Variants in PRCP observed in about 807,000 individuals in gnomAD.
The protein encoded by PRCP is lysosomal Pro-X carboxypeptidase.
PRCP carries 46 observed loss-of-function variants against 54.2 expected under a neutral mutation model. The ratio of observed to expected loss-of-function variants is 0.85; its 90% CI spans 0.67 to 1.09. The LOEUF is 1.09. Among genes scored for constraint, PRCP ranks in the 50% least tolerant of loss-of-function variants. The pLI is 0.00. For missense variants in PRCP, 613 were observed against 596.8 expected (o/e 1.03, Z -0.28); for synonymous variants, 240 against 212.2 (o/e 1.13, Z -1.14).
At chr11:82,875,347 G>A (rs192424122) in intron 1 of PRCP, among the ~76,000 whole-genome samples, 22 of 152,294 alleles carry the variant, frequency 1.4e-4, no homozygotes, top group Admixed American at 4.6e-4. Context: ...GACCTCACCC[G>A]AACTTAGACT....
At chr11:82,863,942 C>T (rs1460609908) in intron 1 of PRCP, among the ~76,000 whole-genome samples, 1 of 152,174 alleles carries the variant, frequency 6.6e-6, no homozygotes, top group Non-Finnish European at 1.5e-5. Flanking sequence ...TGTGAAGCCT[C>T]GGGCAAATTA....
chr11:82,859,464 T>C (rs1859159932), intron 2 of PRCP, among the ~76,000 whole-genome samples: 1 of 152,184 alleles, frequency 6.6e-6, no homozygotes, highest in Non-Finnish European at 1.5e-5. Flanking sequence ...ACACTGACAA[T>C]ATAACACTAA....
chr11:82,875,203 C>T (rs1437628188), intron 1 of PRCP, among the ~76,000 whole-genome samples: 3 of 152,216 alleles, frequency 2.0e-5, no homozygotes, highest in African/African-American at 4.8e-5. Context: ...CCATGCCTTA[C>T]TGCCTCTCCC....
chr11:82,873,610 C>T, intron 1 of PRCP, among the ~76,000 whole-genome samples: 1 of 152,330 alleles, frequency 6.6e-6, no homozygotes, highest in African/African-American at 2.4e-5. Flanking sequence ...ACAATCTTCA[C>T]TGGTTACCTC....
At chr11:82,865,811 A>G (rs1162005253) in intron 1 of PRCP, among the ~76,000 whole-genome samples, 1 of 152,166 alleles carries the variant, frequency 6.6e-6, no homozygotes, top group African/African-American at 2.4e-5. Context: ...TCTTAAATGG[A>G]GACTGACAGC....
At chr11:82,857,135 A>G (rs1240112364) in intron 2 of PRCP, among the ~76,000 whole-genome samples, 1 of 152,186 alleles carries the variant, frequency 6.6e-6, no homozygotes, top group African/African-American at 2.4e-5. Flanking sequence ...AGGCATTGAC[A>G]ACATAAAAGA....
chr11:82,856,863 T>C (rs960113959), intron 2 of PRCP, among the ~76,000 whole-genome samples: 2 of 151,802 alleles, frequency 1.3e-5, no homozygotes, highest in Non-Finnish European at 1.5e-5. Flanking sequence ...GGTGAAACCC[T>C]GTCTCTACTA....
chr11:82,877,423 C>T (rs1032722923), intron 1 of PRCP, among the ~76,000 whole-genome samples: 2 of 152,208 alleles, frequency 1.3e-5, no homozygotes, highest in Non-Finnish European at 2.9e-5. Flanking sequence ...CACACGGCAG[C>T]CCCTCCTATC....
intron 2 of PRCP, among the ~76,000 whole-genome samples, chr11:82,853,956 C>A (rs1017888421): frequency 1.3e-5 from 2 of 152,066 alleles, no homozygotes; most frequent in African/African-American, 2.4e-5. Flanking sequence ...ATTCAACATC[C>A]CTTCATGGTA....
intron 1 of PRCP, among the ~76,000 whole-genome samples, chr11:82,896,864 C>T (rs1326922658): frequency 1.3e-5 from 2 of 152,012 alleles, no homozygotes; most frequent in Non-Finnish European, 2.9e-5. Context: ...AAATCTCTCT[C>T]ATAGAGAGAG....
intron 1 of PRCP, among the ~76,000 whole-genome samples, chr11:82,889,839 T>C (rs1859962565): frequency 6.6e-6 from 1 of 152,170 alleles, no homozygotes; most frequent in Non-Finnish European, 1.5e-5. Context: ...AGAGTCGCAG[T>C]TTCTGAAAAG....
At chr11:82,848,007 C>T (rs577453176) in intron 6 of PRCP, among the ~76,000 whole-genome samples, 18 of 152,342 alleles carry the variant, frequency 1.2e-4, no homozygotes, top group African/African-American at 4.3e-4. Context: ...ATATGCAATA[C>T]ACTCACTGGT....
At chr11:82,884,931 G>T (rs370148105) in intron 1 of PRCP, 78 of 1,607,198 alleles carry the variant, frequency 4.9e-5, no homozygotes, top group Non-Finnish European at 5.9e-5. Flanking sequence ...ATTTTGAAAG[G>T]TTTTACTAGC....
At chr11:82,880,267 C>T (rs1466635778) in intron 1 of PRCP, among the ~76,000 whole-genome samples, 1 of 152,232 alleles carries the variant, frequency 6.6e-6, no homozygotes, top group Non-Finnish European at 1.5e-5. Context: ...AGCCTCTTTG[C>T]CACCTTGCAG....
chr11:82,852,931 G>C (rs532317273), intron 3 of PRCP, among the ~76,000 whole-genome samples: 1 of 152,184 alleles, frequency 6.6e-6, no homozygotes, highest in South Asian at 2.1e-4. Flanking sequence ...TGCAGCCACA[G>C]AGTAAAATTT....
At chr11:82,826,478 A>G (rs1858237380) in intron 8 of PRCP, 1 of 152,206 alleles carries the variant, frequency 6.6e-6, no homozygotes, top group African/African-American at 2.4e-5. Flanking sequence ...TCTCTTAGGC[A>G]TATACTTAGG....
At chr11:82,884,897 A>G (rs1357665107) in intron 1 of PRCP, 1 of 1,612,602 alleles carries the variant, frequency 6.2e-7, no homozygotes, top group Non-Finnish European at 8.5e-7. Flanking sequence ...TGCAGGAAGT[A>G]AAGGCTTGAT....
chr11:82,835,433 G>A (rs11607014), intron 8 of PRCP: 25,313 of 183,422 alleles, frequency 0.14, 1,881 homozygotes, highest in Middle Eastern at 0.18. Flanking sequence ...GGTACTTGCA[G>A]GAGCAGCAAT....
At chr11:82,830,951 T>C (rs1472049272) in intron 8 of PRCP, 3 of 148,100 alleles carry the variant, frequency 2.0e-5, no homozygotes, top group Non-Finnish European at 3.0e-5. Flanking sequence ...TTAGCAACAG[T>C]GTTTGGAGTT....
Sources: allele counts gnomAD v4.1 joint callset (sites outside exome capture counted in the v4.1 genomes callset), GRCh38; gene constraint gnomAD v4.1.1; transcripts MANE v1.5; gene names NCBI Gene and HGNC (gene_info 2026-07-23, HGNC 2026-07-21).